TAFA2: variants seen among roughly 807,000 people sequenced by gnomAD.
TAFA2 encodes chemokine-like protein TAFA-2.
In TAFA2, 7 loss-of-function variants were observed where a neutral mutation model predicts 18.8. The ratio of observed to expected loss-of-function variants is 0.37; its 90% CI spans 0.21 to 0.70. The LOEUF is 0.70. TAFA2 is among the 30% of genes least tolerant of loss of function. The pLI, the probability that TAFA2 is intolerant of heterozygous loss-of-function variation, is 0.53. For synonymous variants in TAFA2, 60 were observed against 54.2 expected (o/e 1.11, Z -0.47); for missense variants, 122 against 158.1 (o/e 0.77, Z 1.23).
intron 1 of TAFA2, among the ~76,000 whole-genome samples, chr12:62,159,610 A>C (rs2062392816): frequency 6.6e-6 from 1 of 152,074 alleles, no homozygotes; most frequent in Non-Finnish European, 1.5e-5. Context: ...TTGTAGGGAA[A>C]TTCTTTTTCT....
intron 1 of TAFA2, among the ~76,000 whole-genome samples, chr12:62,159,951 A>C (rs1169232250): frequency 2.0e-5 from 3 of 152,196 alleles, no homozygotes; most frequent in Non-Finnish European, 4.4e-5. Flanking sequence ...GTGTTTCTGC[A>C]CTTCTTGGGC....
At chr12:61,941,483 C>T (rs967858375) in intron 1 of TAFA2, among the ~76,000 whole-genome samples, 4 of 152,214 alleles carry the variant, frequency 2.6e-5, no homozygotes, top group Non-Finnish European at 2.9e-5. Flanking sequence ...CTCCAGTCTA[C>T]AGCTCCCAGC....
At position 62,103,625 on chromosome 12, in the gene TAFA2, C is replaced by A. The variant is rs147417313; in HGVS notation, c.-2+87634G>T. On this transcript the variant is annotated intron_variant, in intron 1 of 4. Coordinates refer to ENST00000416284, the MANE Select transcript of TAFA2 (RefSeq NM_178539.5). ...GTGTGATGGCGTATGCCTGTAGTCC[C>A]AGCTACTCGGGAGCCTGAGGCAGGA... Among the ~76,000 whole-genome samples, 825 of 152,232 alleles carry A rather than the reference C, an allele frequency of 5.4e-3. 13 individuals are homozygous for A. Among genetic ancestry groups the A allele is most frequent in the African/African-American group, 0.018 (762 of 41,540 alleles).
At chr12:62,154,158 C>A (rs1250888569) in intron 1 of TAFA2, among the ~76,000 whole-genome samples, 1 of 151,980 alleles carries the variant, frequency 6.6e-6, no homozygotes, top group African/African-American at 2.4e-5. Context: ...ACAAGAAGTC[C>A]AGGAGTAAAG....
At chr12:61,947,603 T>C (rs1175536066) in intron 1 of TAFA2, among the ~76,000 whole-genome samples, 2 of 149,132 alleles carry the variant, frequency 1.3e-5, no homozygotes, top group Non-Finnish European at 3.0e-5. Context: ...TTCGGTCAGT[T>C]TGTTGAAAAG....
chr12:61,810,293 T>C (rs1467726451), intron 2 of TAFA2, among the ~76,000 whole-genome samples: 1 of 151,126 alleles, frequency 6.6e-6, no homozygotes, highest in Admixed American at 6.6e-5. Flanking sequence ...GGGAAAATTG[T>C]TTTTAAGAAG....
intron 1 of TAFA2, among the ~76,000 whole-genome samples, chr12:62,128,287 A>G (rs1303505868): frequency 2.0e-5 from 3 of 152,070 alleles, no homozygotes; most frequent in Non-Finnish European, 4.4e-5. Flanking sequence ...AAATGGTCCT[A>G]GAAGCCACAT....
At chr12:62,236,737 T>C (rs2062839464) in intron 1 of TAFA2, among the ~76,000 whole-genome samples, 2 of 152,252 alleles carry the variant, frequency 1.3e-5, no homozygotes, top group Non-Finnish European at 2.9e-5. Flanking sequence ...TACAGTATTC[T>C]TGTTGGATAA....
intron 1 of TAFA2, among the ~76,000 whole-genome samples, chr12:62,202,142 G>A (rs2062673463): frequency 6.6e-6 from 1 of 151,476 alleles, no homozygotes; most frequent in South Asian, 2.1e-4. Context: ...TCTCCTTTAT[G>A]AGTTTAGCTA....
At chr12:61,988,172 G>C (rs1408232122) in intron 1 of TAFA2, among the ~76,000 whole-genome samples, 1 of 152,048 alleles carries the variant, frequency 6.6e-6, no homozygotes, top group East Asian at 1.9e-4. Flanking sequence ...ATGGGAGGAT[G>C]CCTTTCTCAT....
At chr12:62,049,291 C>T (rs12313579) in intron 1 of TAFA2, among the ~76,000 whole-genome samples, 1,702 of 152,296 alleles carry the variant, frequency 0.011, 27 homozygotes, top group African/African-American at 0.039. Flanking sequence ...AATCATGATC[C>T]TACCAGGACA....
At chr12:61,925,334 A>T (rs1379925141) in intron 1 of TAFA2, among the ~76,000 whole-genome samples, 1 of 152,196 alleles carries the variant, frequency 6.6e-6, no homozygotes, top group Non-Finnish European at 1.5e-5. Context: ...ACATGATTGG[A>T]AGTAAAACAC....
chr12:62,126,431 G>T (rs1411472208), intron 1 of TAFA2, among the ~76,000 whole-genome samples: 1 of 152,100 alleles, frequency 6.6e-6, no homozygotes, highest in Non-Finnish European at 1.5e-5. Flanking sequence ...AACTGCCTTG[G>T]AAGGTAGAAA....
At chr12:62,027,217 A>C (rs1354111489) in intron 1 of TAFA2, among the ~76,000 whole-genome samples, 3 of 152,188 alleles carry the variant, frequency 2.0e-5, no homozygotes, top group Non-Finnish European at 4.4e-5. Context: ...ATAAGTTACT[A>C]TTTTGAAATG....
intron 1 of TAFA2, among the ~76,000 whole-genome samples, chr12:61,883,349 A>G (rs919641142): frequency 1.3e-5 from 2 of 152,224 alleles, no homozygotes; most frequent in Non-Finnish European, 2.9e-5. Flanking sequence ...TGTCATTGGA[A>G]TATAGTAATT....
chr12:62,104,795 G>C (rs986885166), intron 1 of TAFA2: 8 of 427,674 alleles, frequency 1.9e-5, no homozygotes, highest in Non-Finnish European at 3.3e-5. Context: ...CTCTAGGGGA[G>C]AGCAAACTTC....
At chr12:61,871,809 T>C (rs1208851214) in intron 1 of TAFA2, among the ~76,000 whole-genome samples, 2 of 152,176 alleles carry the variant, frequency 1.3e-5, no homozygotes, top group African/African-American at 4.8e-5. Context: ...GTACATTTAA[T>C]TGGCCAGATG....
intron 2 of TAFA2, among the ~76,000 whole-genome samples, chr12:61,804,083 G>C (rs989415576): frequency 6.6e-6 from 1 of 151,916 alleles, no homozygotes; most frequent in African/African-American, 2.4e-5. Context: ...AAGATTCCTA[G>C]TCAAAATTCT....
At chr12:61,803,618 A>T (rs1871485821) in intron 2 of TAFA2, among the ~76,000 whole-genome samples, 1 of 151,952 alleles carries the variant, frequency 6.6e-6, no homozygotes, top group Admixed American at 6.6e-5. Context: ...ATACTTGAAC[A>T]TAAACATCAT....
Sources: gnomAD v4.1 joint callset for allele counts (sites outside exome capture counted in the v4.1 genomes callset) on GRCh38, gnomAD v4.1.1 for gene constraint, MANE v1.5 for transcripts, NCBI Gene and HGNC (gene_info 2026-07-23, HGNC 2026-07-21) for gene names.